BANK1: variants seen among roughly 807,000 people sequenced by gnomAD.
The protein encoded by BANK1 is B cell scaffold protein with ankyrin repeats 1.
BANK1 carries 95 observed loss-of-function variants against 94.5 expected under a neutral mutation model. The observed-to-expected ratio is 1.00, with a 90% CI of 0.85 to 1.19. The LOEUF is 1.19. BANK1 is among the 50% of genes most tolerant of loss of function. The pLI is 0.00. For synonymous variants in BANK1, 334 were observed against 308.4 expected (o/e 1.08, Z -0.87); for missense variants, 987 against 932.2 (o/e 1.06, Z -0.77).
chr4:101,808,162 A>G (rs1356899827), intron 1 of BANK1, among the ~76,000 whole-genome samples: 1 of 152,136 alleles, frequency 6.6e-6, no homozygotes, highest in Non-Finnish European at 1.5e-5. Context: ...CTGGCCTCTT[A>G]ACCACTATAT....
At chr4:101,799,077 A>G (rs80136231) in intron 1 of BANK1, among the ~76,000 whole-genome samples, 41,034 of 151,956 alleles carry the variant, frequency 0.27, 5,877 homozygotes, top group Non-Finnish European at 0.32. Flanking sequence ...TTTTCTTCTC[A>G]GGTTTTTACG....
intron 9 of BANK1, among the ~76,000 whole-genome samples, chr4:102,028,198 G>A (rs933905932): frequency 3.0e-4 from 45 of 152,228 alleles, no homozygotes; most frequent in African/African-American, 1.0e-3. Context: ...ATAAACGTAA[G>A]ATGGTTGACA....
At chr4:101,880,711 G>C (rs1483236057) in intron 5 of BANK1, among the ~76,000 whole-genome samples, 1 of 151,964 alleles carries the variant, frequency 6.6e-6, no homozygotes, top group Admixed American at 6.6e-5. Flanking sequence ...CATGATATTG[G>C]CGTTAAAACA....
At chr4:101,968,149 G>A (rs902043874) in intron 7 of BANK1, among the ~76,000 whole-genome samples, 5 of 152,096 alleles carry the variant, frequency 3.3e-5, no homozygotes, top group East Asian at 1.9e-4. Flanking sequence ...GGGAGAGGGC[G>A]GGGCATTAGT....
intron 1 of BANK1, among the ~76,000 whole-genome samples, chr4:101,792,439 GTT>G (rs1332567360): frequency 1.7e-5 from 2 of 120,546 alleles, no homozygotes; most frequent in Admixed American, 9.5e-5. Context: ...AAATCCAGTG[GTT>G]TGTGTGTGTG....
intron 7 of BANK1, among the ~76,000 whole-genome samples, chr4:101,966,411 C>CAAG (rs1560656970): frequency 6.6e-6 from 1 of 151,608 alleles, no homozygotes; most frequent in African/African-American, 2.4e-5. Flanking sequence ...ATTTGATTGT[C>CAAG]AATAATAATA....
chr4:102,039,137 G>T (rs1727620734), intron 10 of BANK1, among the ~76,000 whole-genome samples: 1 of 152,122 alleles, frequency 6.6e-6, no homozygotes, highest in South Asian at 2.1e-4. Context: ...ACATACGTCT[G>T]CCATGCAGTA....
intron 7 of BANK1, among the ~76,000 whole-genome samples, chr4:101,937,176 A>G (rs1723594976): frequency 6.6e-6 from 1 of 151,768 alleles, no homozygotes; most frequent in African/African-American, 2.4e-5. Flanking sequence ...GGAGGACATT[A>G]TGTTAAGTGA....
At chr4:101,934,040 A>G (rs562690072) in intron 7 of BANK1, among the ~76,000 whole-genome samples, 2 of 151,564 alleles carry the variant, frequency 1.3e-5, no homozygotes, top group African/African-American at 4.8e-5. Context: ...ACCCTGCCTT[A>G]GGGTCTGGGT....
chr4:101,940,025 A>G (rs890942878), intron 7 of BANK1, among the ~76,000 whole-genome samples: 4 of 151,790 alleles, frequency 2.6e-5, no homozygotes, highest in Non-Finnish European at 5.9e-5. Flanking sequence ...TGATGCATCC[A>G]TAAACCAAAC....
chr4:102,030,490 C>T (rs3133077), intron 10 of BANK1, among the ~76,000 whole-genome samples: 96,722 of 151,510 alleles, frequency 0.64, 31,555 homozygotes, highest in African/African-American at 0.76. Context: ...AACGTGCAGT[C>T]TTGTTACTAG....
At chr4:101,982,847 A>G (rs1001202366) in intron 7 of BANK1, among the ~76,000 whole-genome samples, 1 of 151,968 alleles carries the variant, frequency 6.6e-6, no homozygotes, top group African/African-American at 2.4e-5. Flanking sequence ...CCGGTTTTAC[A>G]TATTTAATAA....
chr4:101,793,582 G>T (rs1725063330), intron 1 of BANK1, among the ~76,000 whole-genome samples: 1 of 152,148 alleles, frequency 6.6e-6, no homozygotes, highest in Admixed American at 6.5e-5. Flanking sequence ...ATTGTAGGTG[G>T]TTATGCCCTA....
At chr4:101,908,102 A>G (rs1467045963) in intron 6 of BANK1, among the ~76,000 whole-genome samples, 2 of 152,248 alleles carry the variant, frequency 1.3e-5, no homozygotes, top group Non-Finnish European at 2.9e-5. Context: ...TGCCAAGTCA[A>G]TCCTAAACCA....
intron 1 of BANK1, among the ~76,000 whole-genome samples, chr4:101,809,027 A>ACCAG (rs1400704168): frequency 5.9e-5 from 9 of 152,214 alleles, no homozygotes; most frequent in Non-Finnish European, 8.8e-5. Context: ...AAGTCATTAT[A>ACCAG]TGAAAAAGAC....
chr4:101,984,864 C>T lies in BANK1; in HGVS notation c.1207-36650C>T, dbSNP rs561320551. Among the ~76,000 whole-genome samples the T allele has an allele frequency of 3.3e-5, 5 of 152,084 alleles. No homozygotes were observed. In the East Asian group the frequency reaches 5.8e-4, roughly 18 times the overall value. On this transcript the variant is annotated intron_variant, in intron 7 of 16. Coordinates refer to ENST00000322953, the MANE Select transcript of BANK1 (RefSeq NM_017935.5). Reference sequence around the variant, plus strand: ...TGGCAGTTCTGAGATAATGTAATCACGAATGCGACCTGAAGTGACAACTAC... The same window carrying T: ...TGGCAGTTCTGAGATAATGTAATCATGAATGCGACCTGAAGTGACAACTAC...
At chr4:101,816,733 C>CT (rs1258036464) in intron 1 of BANK1, among the ~76,000 whole-genome samples, 2 of 152,000 alleles carry the variant, frequency 1.3e-5, no homozygotes, top group Non-Finnish European at 2.9e-5. Context: ...ATATATCATA[C>CT]TTTTTTCTAA....
At chr4:101,973,422 G>T (rs914946380) in intron 7 of BANK1, among the ~76,000 whole-genome samples, 1 of 152,006 alleles carries the variant, frequency 6.6e-6, no homozygotes, top group African/African-American at 2.4e-5. Flanking sequence ...GTTGCTCAAA[G>T]CCATACAGTC....
At chr4:102,067,632 C>T (rs545601272) in intron 13 of BANK1, among the ~76,000 whole-genome samples, 9 of 151,692 alleles carry the variant, frequency 5.9e-5, no homozygotes, top group South Asian at 2.1e-4. Flanking sequence ...TAAATATCTG[C>T]GTTATATAAA....
Sources: gnomAD v4.1 joint callset for allele counts (sites outside exome capture counted in the v4.1 genomes callset) on GRCh38, gnomAD v4.1.1 for gene constraint, MANE v1.5 for transcripts, NCBI Gene and HGNC (gene_info 2026-07-23, HGNC 2026-07-21) for gene names.